Variants in EYA4 observed in about 807,000 individuals in gnomAD.
EYA4 encodes protein phosphatase EYA4.
Under a neutral mutation model 87.9 loss-of-function variants are expected in EYA4, and 31 were observed. That is an observed-to-expected ratio of 0.35 (90% CI 0.27 to 0.48). EYA4 has a LOEUF of 0.48. Ranked by LOEUF, EYA4 falls within the 20% of genes least tolerant of loss-of-function variation. The pLI is 0.99. For missense variants in EYA4, 678 were observed against 761.4 expected, an observed-to-expected ratio of 0.89 and a Z score of 1.29; for synonymous variants, 263 against 270.6, an observed-to-expected ratio of 0.97 and a Z score of 0.28.
intron 2 of EYA4, among the ~76,000 whole-genome samples, chr6:133,304,048 G>A (rs1324829726): frequency 1.3e-5 from 2 of 152,154 alleles, no homozygotes; most frequent in African/African-American, 4.8e-5. Flanking sequence ...TGTGATGATG[G>A]AATGAATGGA....
intron 2 of EYA4, among the ~76,000 whole-genome samples, chr6:133,378,186 G>A (rs186772207): frequency 1.3e-5 from 2 of 152,166 alleles, no homozygotes; most frequent in East Asian, 3.9e-4. Context: ...GAACACAACT[G>A]GCAAATGTAG....
intron 3 of EYA4, among the ~76,000 whole-genome samples, chr6:133,382,944 T>C (rs1786360229): frequency 6.6e-6 from 1 of 152,204 alleles, no homozygotes; most frequent in Non-Finnish European, 1.5e-5. Flanking sequence ...ATTAAAGTGG[T>C]GAGGCCACTT....
rs575065834 is a variant in EYA4 at position 133,395,952 on chromosome 6, G to A, written c.83+13511G>A. ...TGGTTATTCTAATTAAAGTCATCAC[G>A]TCCTTACCAAAGGTTTTTGAAATAA... is the stretch of plus-strand genomic sequence containing the variant. On this transcript the variant is annotated intron_variant, in intron 3 of 19. Transcript: ENST00000355286. Among the ~76,000 whole-genome samples, 22 of 152,226 alleles carry A rather than the reference G, an allele frequency of 1.4e-4. No individual in the cohort carries two copies. The South Asian group carries it at 3.5e-3, about 24-fold the overall frequency.
At chr6:133,279,787 C>T (rs1777477271) in intron 2 of EYA4, among the ~76,000 whole-genome samples, 1 of 152,108 alleles carries the variant, frequency 6.6e-6, no homozygotes, top group Admixed American at 6.5e-5. Context: ...AAAACGTGTA[C>T]TCCTCTCTGT....
At chr6:133,380,507 G>A (rs1431985996) in intron 2 of EYA4, among the ~76,000 whole-genome samples, 2 of 152,154 alleles carry the variant, frequency 1.3e-5, no homozygotes, top group Non-Finnish European at 2.9e-5. Flanking sequence ...GCGAGCATAT[G>A]TCTAGTTTGT....
intron 3 of EYA4, among the ~76,000 whole-genome samples, chr6:133,404,332 A>T (rs211617): frequency 6.6e-6 from 1 of 152,112 alleles, no homozygotes; most frequent in African/African-American, 2.4e-5. Context: ...GATTAATAAC[A>T]TCATTCTGTC....
At chr6:133,312,637 G>C (rs1017238639) in intron 2 of EYA4, among the ~76,000 whole-genome samples, 3 of 152,044 alleles carry the variant, frequency 2.0e-5, no homozygotes, top group Non-Finnish European at 4.4e-5. Flanking sequence ...CCTCAATATT[G>C]GTTTGCAGCC....
intron 3 of EYA4, among the ~76,000 whole-genome samples, chr6:133,421,200 G>C (rs1404254768): frequency 6.6e-6 from 1 of 152,130 alleles, no homozygotes; most frequent in African/African-American, 2.4e-5. Context: ...CCCAACCAAA[G>C]TGTGCAGAAA....
chr6:133,283,515 T>C (rs1260847319), intron 2 of EYA4, among the ~76,000 whole-genome samples: 2 of 152,146 alleles, frequency 1.3e-5, no homozygotes, highest in Non-Finnish European at 2.9e-5. Flanking sequence ...CTCATCTCAC[T>C]AAATCTCATA....
At chr6:133,403,912 G>A (rs1173250367) in intron 3 of EYA4, among the ~76,000 whole-genome samples, 1 of 152,140 alleles carries the variant, frequency 6.6e-6, no homozygotes, top group African/African-American at 2.4e-5. Flanking sequence ...CAGAGTTCAA[G>A]CAATTCTCCT....
intron 1 of EYA4, among the ~76,000 whole-genome samples, chr6:133,245,535 C>T (rs1774336723): frequency 6.6e-6 from 1 of 152,148 alleles, no homozygotes; most frequent in African/African-American, 2.4e-5. Flanking sequence ...TGAAGGAAAT[C>T]AACACCAGGG....
chr6:133,406,789 T>C (rs1013727383), intron 3 of EYA4, among the ~76,000 whole-genome samples: 1 of 152,210 alleles, frequency 6.6e-6, no homozygotes, highest in Admixed American at 6.5e-5. Flanking sequence ...TAGAAGGTTT[T>C]CTATTAAAAT....
At chr6:133,262,324 A>G (rs1399999025) in intron 1 of EYA4, among the ~76,000 whole-genome samples, 2 of 152,236 alleles carry the variant, frequency 1.3e-5, no homozygotes, top group Admixed American at 6.5e-5. Context: ...AGAGCCAGCT[A>G]GATGAACCAT....
At chr6:133,326,689 G>A (rs1021782220) in intron 2 of EYA4, among the ~76,000 whole-genome samples, 14 of 152,192 alleles carry the variant, frequency 9.2e-5, no homozygotes, top group Admixed American at 3.3e-4. Flanking sequence ...GGACCTTGCC[G>A]GCTTGCCTGG....
intron 2 of EYA4, among the ~76,000 whole-genome samples, chr6:133,325,628 T>A (rs1781441002): frequency 6.6e-6 from 1 of 152,204 alleles, no homozygotes; most frequent in South Asian, 2.1e-4. Flanking sequence ...ACCTTATGGT[T>A]CTAAATTTTC....
At chr6:133,496,684 T>A (rs1435805045) in intron 13 of EYA4, among the ~76,000 whole-genome samples, 1 of 152,180 alleles carries the variant, frequency 6.6e-6, no homozygotes, top group Non-Finnish European at 1.5e-5. Flanking sequence ...ATGGTTATAA[T>A]TCATTTCCTT....
At chr6:133,313,892 CTT>C (rs138914206) in intron 2 of EYA4, among the ~76,000 whole-genome samples, 48,015 of 151,714 alleles carry the variant, frequency 0.32, 7,836 homozygotes, top group Middle Eastern at 0.43. Context: ...TTTCTGATGT[CTT>C]ATTTTTTTTC....
intron 13 of EYA4, among the ~76,000 whole-genome samples, chr6:133,491,843 T>A (rs978332995): frequency 1.3e-5 from 2 of 149,196 alleles, no homozygotes; most frequent in African/African-American, 4.9e-5. Context: ...TTCCAGCTAC[T>A]CGGGAGGCTG....
chr6:133,316,396 C>T (rs1452657745), intron 2 of EYA4, among the ~76,000 whole-genome samples: 2 of 152,062 alleles, frequency 1.3e-5, no homozygotes, highest in Admixed American at 1.3e-4. Context: ...TAATCAGCTA[C>T]TTAAATAGGT....
Sources: gnomAD v4.1 joint callset for allele counts (sites outside exome capture counted in the v4.1 genomes callset) on GRCh38, gnomAD v4.1.1 for gene constraint, MANE v1.5 for transcripts, NCBI Gene and HGNC (gene_info 2026-07-23, HGNC 2026-07-21) for gene names.